SFI1: variants seen among roughly 807,000 people sequenced by gnomAD.
The protein encoded by SFI1 is SFI1 centrin binding protein, also known as protein SFI1 homolog.
Under a neutral mutation model 207.5 loss-of-function variants are expected in SFI1, and 195 were observed. The ratio of observed to expected loss-of-function variants is 0.94; its 90% CI spans 0.84 to 1.06. The LOEUF is 1.06. SFI1 is among the 50% of genes least tolerant of loss of function. The probability of loss-of-function intolerance (pLI) is 0.00; values close to 1 mark genes in which losing one functional copy is unlikely to be tolerated. For synonymous variants in SFI1, 630 were observed against 598.9 expected (o/e 1.05, Z -0.76); for missense variants, 1,634 against 1,588.0 (o/e 1.03, Z -0.49).
At chr22:31,539,379 C>A (rs2059276236) in intron 4 of SFI1, among the ~76,000 whole-genome samples, 1 of 152,130 alleles carries the variant, frequency 6.6e-6, no homozygotes, top group Non-Finnish European at 1.5e-5. Flanking sequence ...TAAGACCAAC[C>A]AACTTTTTGT....
Position 31,590,851 on chromosome 22 carries a change from ATTTTAT to A in SFI1, c.1544+1287_1544+1292del, listed in dbSNP as rs879411815. On this transcript the variant is annotated intron_variant, in intron 15 of 32. Transcript: ENST00000400288. ...TGTGTCCATTTCCCCTTCTCTTTTT[ATTTTAT>A]TTTTATTTTTATATATATTTTTAAA... 7.1e-3 allele frequency among the ~76,000 whole-genome samples: 1,040 copies of A among 146,164 alleles called. 4 individuals carry two copies. Among genetic ancestry groups the A allele is most frequent in the South Asian group, 0.015 (70 of 4,646 alleles).
At chr22:31,499,650 T>TGTTC (rs542803809) in intron 1 of SFI1, among the ~76,000 whole-genome samples, 55 of 152,282 alleles carry the variant, frequency 3.6e-4, no homozygotes, top group African/African-American at 1.3e-3. Flanking sequence ...TTAAATAGCA[T>TGTTC]TACATGCTAT....
At chr22:31,499,585 G>A (rs1809206326) in intron 1 of SFI1, among the ~76,000 whole-genome samples, 1 of 152,162 alleles carries the variant, frequency 6.6e-6, no homozygotes, top group South Asian at 2.1e-4. Context: ...GCAGTGGTAG[G>A]ATTTAAGAGG....
chr22:31,559,103 A>G (rs972696085), intron 7 of SFI1, among the ~76,000 whole-genome samples: 17 of 151,552 alleles, frequency 1.1e-4, no homozygotes, highest in Non-Finnish European at 2.5e-4. Context: ...CACCGGGCCC[A>G]GCCTATTTAT....
At chr22:31,616,604 G>A (rs1469048247) in intron 29 of SFI1, 141 bp from the exon 30 acceptor site, 2 of 875,044 alleles carry the variant, frequency 2.3e-6, no homozygotes, top group Non-Finnish European at 3.5e-6. Context: ...CACGGCCAGT[G>A]CCTGGGAAGC....
intron 22 of SFI1, among the ~76,000 whole-genome samples, chr22:31,608,847 C>T (rs1275518830): frequency 6.6e-6 from 1 of 152,052 alleles, no homozygotes; most frequent in African/African-American, 2.4e-5. Context: ...GTATATACAT[C>T]TTTGGAAAGA....
intron 10 of SFI1, 123 bp downstream of exon 10, chr22:31,575,515 A>G: frequency 9.7e-7 from 1 of 1,027,030 alleles, no homozygotes; most frequent in Non-Finnish European, 1.3e-6. Flanking sequence ...AAACAGCCTT[A>G]TCTCTGTTGA....
intron 4 of SFI1, among the ~76,000 whole-genome samples, chr22:31,533,705 CCTT>C (rs1018149209): frequency 9.5e-4 from 144 of 152,308 alleles, no homozygotes; most frequent in African/African-American, 3.3e-3. Flanking sequence ...CTCTATTTTA[CCTT>C]CTTCTGAATC....
chr22:31,517,552 A>G lies in SFI1; in HGVS notation c.92+9176A>G, dbSNP rs898306587. Among the ~76,000 whole-genome samples, 4 of 152,052 alleles carry G rather than the reference A, an allele frequency of 2.6e-5. 1 individual carries two copies. Among genetic ancestry groups the G allele is most frequent in the Admixed American group, 2.0e-4 (3 of 15,262 alleles). ...TGCGGGCCACCATGCCTGGCCTAAG[A>G]TATTCTGTATCATCTTTAAGAACTC... On this transcript the variant is annotated intron_variant, in intron 2 of 32. Coordinates refer to ENST00000400288, the MANE Select transcript of SFI1 (RefSeq NM_001007467.3).
At chr22:31,503,621 C>CT (rs1231210924) in intron 1 of SFI1, among the ~76,000 whole-genome samples, 2 of 120,430 alleles carry the variant, frequency 1.7e-5, no homozygotes, top group Non-Finnish European at 3.2e-5. Context: ...GAGTTTCGCT[C>CT]TTGTTGCCCA....
chr22:31,579,025 A>AT (rs2063805156), intron 11 of SFI1, among the ~76,000 whole-genome samples: 1 of 152,158 alleles, frequency 6.6e-6, no homozygotes, highest in Non-Finnish European at 1.5e-5. Flanking sequence ...CGGTCTCACT[A>AT]TGTTGTCCAG....
At position 31,604,376 on chromosome 22, in the gene SFI1, TGCTGCACAGGGC is replaced by T. The variant is rs768550359; in HGVS notation, c.1956_1967del (p.His652_Leu655del). 21 of 1,569,954 alleles carry T rather than the reference TGCTGCACAGGGC, an allele frequency of 1.3e-5. No homozygotes were observed. The African/African-American group carries it at 2.8e-4, about 21-fold the overall frequency. On this transcript the variant is annotated inframe_deletion, in exon 19 of 33. Coordinates refer to ENST00000400288, the MANE Select transcript of SFI1 (RefSeq NM_001007467.3). ...GCAGACCTGCACCACCAGCACAGCG[TGCTGCACAGGGC>T]GCTGCAGGCATGGGTGGTAGGAACT...
intron 8 of SFI1, among the ~76,000 whole-genome samples, chr22:31,566,292 C>T (rs1049660334): frequency 2.6e-5 from 4 of 151,968 alleles, no homozygotes; most frequent in African/African-American, 9.7e-5. Context: ...TGGGGTTTCA[C>T]CATGTTGGCC....
chr22:31,508,790 C>T (rs1439075967), intron 2 of SFI1, among the ~76,000 whole-genome samples: 1 of 152,128 alleles, frequency 6.6e-6, no homozygotes, highest in African/African-American at 2.4e-5. Flanking sequence ...ATAACTCTCC[C>T]TTTCTGGGTT....
intron 4 of SFI1, among the ~76,000 whole-genome samples, chr22:31,541,445 TC>T (rs2059479782): frequency 6.6e-6 from 1 of 152,274 alleles, no homozygotes; most frequent in Admixed American, 6.5e-5. Flanking sequence ...TGCAAACGGT[TC>T]CTTTTTATTA....
intron 6 of SFI1, among the ~76,000 whole-genome samples, chr22:31,555,670 C>T (rs1355239936): frequency 6.6e-6 from 1 of 152,104 alleles, no homozygotes. Context: ...GAGAGAGGCA[C>T]CATTTTACAG....
intron 21 of SFI1, chr22:31,606,685 CTTTTTTTCTT>C: frequency 5.4e-6 from 1 of 184,028 alleles, no homozygotes; most frequent in Non-Finnish European, 1.0e-5. Flanking sequence ...CCAGTATTTT[CTTTTTTTCTT>C]TTTTTTTTTT....
intron 15 of SFI1, among the ~76,000 whole-genome samples, chr22:31,601,796 CTT>C (rs1392828112): frequency 6.6e-6 from 1 of 151,878 alleles, no homozygotes; most frequent in African/African-American, 2.4e-5. Context: ...TTATTCACCT[CTT>C]TTATTTTTTT....
At chr22:31,578,720 A>G (rs2063778276) in intron 11 of SFI1, among the ~76,000 whole-genome samples, 1 of 152,098 alleles carries the variant, frequency 6.6e-6, no homozygotes. Flanking sequence ...ACCCCTTTTG[A>G]GTGGCGGAAG....
Sources: gnomAD v4.1 joint callset for allele counts (sites outside exome capture counted in the v4.1 genomes callset) on GRCh38, gnomAD v4.1.1 for gene constraint, MANE v1.5 for transcripts, NCBI Gene and HGNC (gene_info 2026-07-23, HGNC 2026-07-21) for gene names.